The following PPM1N variants were observed in gnomAD, a reference collection of about 807,000 sequenced individuals.
The protein encoded by PPM1N is probable protein phosphatase 1N.
Under a neutral mutation model 32.6 loss-of-function variants are expected in PPM1N, and 35 were observed. The ratio of observed to expected loss-of-function variants is 1.07; its 90% confidence interval spans 0.82 to 1.43. The LOEUF is 1.43. Ranked by LOEUF, PPM1N falls within the 40% of genes most tolerant of loss-of-function variation. The pLI, the probability that PPM1N is intolerant of heterozygous loss-of-function variation, is 0.00. For missense variants in PPM1N, 648 were observed against 606.6 expected, an observed-to-expected ratio of 1.07 and a Z score of -0.72; for synonymous variants, 275 against 270.5, an observed-to-expected ratio of 1.02 and a Z score of -0.16.
At position 45,498,470 on chromosome 19, in the gene PPM1N, A is replaced by G; in HGVS notation, c.-3A>G. Reference sequence around the variant, plus strand: ...GGAGCCTTCCTGATCCCAGGGCTGAAGGATGGCGGTCCTGGCCCGCCAGCT... The same window carrying G: ...GGAGCCTTCCTGATCCCAGGGCTGAGGGATGGCGGTCCTGGCCCGCCAGCT... On this transcript the variant is annotated 5_prime_UTR_variant, in exon 1 of 5. Coordinates refer to ENST00000451287, the MANE Select transcript of PPM1N (RefSeq NM_001080401.2). The G allele has an allele frequency of 7.4e-7, 1 of 1,348,784 alleles. No homozygotes were observed. The highest frequency in any genetic ancestry group is 9.5e-7 in the Non-Finnish European group (1 of 1,048,716). 83.6% of individuals were successfully genotyped at this position (1,348,784 alleles called of 1,614,324 possible).
chr19:45,500,622 C>G (rs1968398615), intron 3 of PPM1N, 28 bp from the exon 4 acceptor site: 1 of 1,594,826 alleles, frequency 6.3e-7, no homozygotes, highest in Admixed American at 1.7e-5. Flanking sequence ...GGAGAGTCCC[C>G]TCCTGAGGGC....
Position 45,498,888 on chromosome 19 carries a change from C to T in PPM1N, c.416C>T (p.Ala139Val), listed in dbSNP as rs2122242936. The change falls in exon 1 of 5, where the codon GCG (alanine) becomes GTG (valine). Residue 139 changes from alanine (A) to valine (V), a missense_variant. Coordinates refer to ENST00000451287, the MANE Select transcript of PPM1N (RefSeq NM_001080401.2). ...AGCGAGCCCGAGGGCGTGCGCGAGGCGCTGCGCCGAGCCTTCTTGAGCGCC... is the reference window on the plus strand; with the variant it reads ...AGCGAGCCCGAGGGCGTGCGCGAGGTGCTGCGCCGAGCCTTCTTGAGCGCC... ...EPSEPEGVRE[A>V]LRRAFLSADE... The T allele has an allele frequency of 6.6e-7, 1 of 1,519,752 alleles. No homozygotes were observed. Among genetic ancestry groups the T allele is most frequent in the South Asian group, 1.2e-5 (1 of 80,910 alleles). The allele number at this position is 1,519,752 out of a possible 1,614,324, so 94.1% of individuals were successfully genotyped here. A position where few individuals can be genotyped will look rare whatever the true frequency, so the allele number is the denominator to read the frequency against.
chr19:45,499,542 G>T, intron 1 of PPM1N, 131 bp downstream of exon 1: 1 of 1,551,284 alleles, frequency 6.4e-7, no homozygotes, highest in Non-Finnish European at 8.7e-7. Flanking sequence ...GGACTCAAGC[G>T]AAGGGCGTGG....
In PPM1N at chr19:45,502,318, A is replaced by AC; in HGVS notation, c.*233_*234insC. On this transcript the variant is annotated 3_prime_UTR_variant, in exon 5 of 5. Coordinates refer to ENST00000451287, the MANE Select transcript of PPM1N (RefSeq NM_001080401.2). ...AAAAAAGCCCAAATCGAAAAAAAAA[A>AC]AAAAAAAAAAAAAAAACAAAAAAAC... is the stretch of plus-strand genomic sequence containing the variant. The AC allele has an allele frequency of 1.9e-6, 1 of 524,222 alleles. No individual in the cohort carries two copies. The highest frequency in any genetic ancestry group is 3.3e-6 in the Non-Finnish European group (1 of 303,220). 32.5% of individuals were successfully genotyped at this position (524,222 alleles called of 1,614,324 possible). A position where few individuals can be genotyped will look rare whatever the true frequency, so the allele number is the denominator to read the frequency against.
At chr19:45,499,689 C>T (rs980931309) in intron 1 of PPM1N, 1 of 1,547,390 alleles carries the variant, frequency 6.5e-7, no homozygotes. Context: ...GGAGCCGGGC[C>T]GGAAGTATTG....
rs773167267 is a variant in PPM1N, at chr19:45,499,089, G to C, written c.617G>C (p.Arg206Pro). The C allele has an allele frequency of 2.6e-6, 4 of 1,514,388 alleles. No individual in the cohort carries two copies. The highest frequency in any genetic ancestry group is 3.5e-6 in the Non-Finnish European group (4 of 1,141,452). The allele number at this position is 1,514,388 out of a possible 1,614,324, so 93.8% of individuals were successfully genotyped here. A position where few individuals can be genotyped will look rare whatever the true frequency, so the allele number is the denominator to read the frequency against. ...GAGGACCACCGGCCCCTTCGACCCCGGGAACGCGAGCGCATCCACGCCGCT... is the reference window on the plus strand; with the variant it reads ...GAGGACCACCGGCCCCTTCGACCCCCGGAACGCGAGCGCATCCACGCCGCT... ...STEDHRPLRP[R>P]ERERIHAAGG... The change falls in exon 1 of 5, where the codon CGG becomes CCG. Residue 206 changes from arginine to proline, a missense_variant. Physicochemically the swap from Arg to Pro is moderately radical, Grantham distance 103. Transcript: ENST00000451287.
At position 45,502,308 on chromosome 19, in the gene PPM1N, GAAAAA is replaced by G. The variant is rs61574042; in HGVS notation, c.*245_*249del. On this transcript the variant is annotated 3_prime_UTR_variant, in exon 5 of 5. Coordinates refer to ENST00000451287, the MANE Select transcript of PPM1N (RefSeq NM_001080401.2). ...GACCAAAAAGAAAAAAGCCCAAATC[GAAAAA>G]AAAAAAAAAAAAAAAAAAAAACAAA... 10 of 26,858 alleles carry G rather than the reference GAAAAA, an allele frequency of 3.7e-4. No individual in the cohort carries two copies. The highest frequency in any genetic ancestry group is 1.2e-3 in the Admixed American group (2 of 1,688). 1.7% of individuals were successfully genotyped at this position (26,858 alleles called of 1,614,324 possible).
At position 45,499,788 on chromosome 19, in the gene PPM1N, AG is replaced by A. The variant is rs1968380782; in HGVS notation, c.940-159del. ...ATTGTTCTCTCAATTGGGAGCGCCT[AG>A]GACCGGGTTTGGTCCCAGTAAGAGA... On this transcript the variant is annotated intron_variant, in intron 1 of 4. Transcript: ENST00000451287. 3 of 1,500,742 alleles carry A rather than the reference AG, an allele frequency of 2.0e-6. 1 individual carries two copies. Among genetic ancestry groups the A allele is most frequent in the Non-Finnish European group, 2.7e-6 (3 of 1,122,158 alleles). 93.0% of individuals were successfully genotyped at this position (1,500,742 alleles called of 1,614,324 possible).
chr19:45,500,072 C>T lies in PPM1N; in HGVS notation c.1057+6C>T. 1 of 1,582,990 alleles carries T rather than the reference C, an allele frequency of 6.3e-7. No homozygotes were observed. Among genetic ancestry groups the T allele is most frequent in the Non-Finnish European group, 8.6e-7 (1 of 1,163,190 alleles). ...CCTGGGCTGCAGAATCGCTGGTGAG[C>T]AGACTCTGGGGGCCCAGCTGGAGGG... is the stretch of plus-strand genomic sequence containing the variant. On this transcript the variant is annotated splice_donor_region_variant and intron_variant, in intron 2 of 4. Coordinates refer to ENST00000451287, the MANE Select transcript of PPM1N (RefSeq NM_001080401.2).
intron 2 of PPM1N, among the ~76,000 whole-genome samples, 179 bp downstream of exon 2, chr19:45,500,245 C>CT (rs950475217): frequency 2.8e-4 from 43 of 152,066 alleles, no homozygotes; most frequent in Non-Finnish European, 5.1e-4. Context: ...AGCGATTCTC[C>CT]TGCCTCAGCC....
At chr19:45,501,934 G>A (rs955572416) in intron 4 of PPM1N, 83 bp from the exon 5 acceptor site, 4 of 910,852 alleles carry the variant, frequency 4.4e-6, no homozygotes, top group Non-Finnish European at 6.4e-6. Flanking sequence ...GATGGGATAT[G>A]GTGGTCCCTC....
In PPM1N at chr19:45,498,911, G is replaced by C; in HGVS notation, c.439G>C (p.Ala147Pro). ...GGCGCTGCGCCGAGCCTTCTTGAGCGCCGACGAGCGCCTGCGCTCCCTCTG... is the reference window on the plus strand; with the variant it reads ...GGCGCTGCGCCGAGCCTTCTTGAGCCCCGACGAGCGCCTGCGCTCCCTCTG... The part of the protein sequence containing the change: ...REALRRAFLS[A>P]DERLRSLWPR... Residue 147 changes from alanine (A) to proline (P), a missense_variant, in exon 1 of 5, where the codon GCC (alanine) becomes CCC (proline). Coordinates refer to ENST00000451287, the MANE Select transcript of PPM1N (RefSeq NM_001080401.2). The C allele has an allele frequency of 1.3e-6, 2 of 1,525,942 alleles. No homozygotes were observed. The highest frequency in any genetic ancestry group is 1.2e-5 in the South Asian group (1 of 82,312). 94.5% of individuals were successfully genotyped at this position (1,525,942 alleles called of 1,614,324 possible). A position where few individuals can be genotyped will look rare whatever the true frequency, so the allele number is the denominator to read the frequency against.
intron 2 of PPM1N, 78 bp downstream of exon 2, chr19:45,500,144 T>C: frequency 1.1e-5 from 17 of 1,479,514 alleles, no homozygotes; most frequent in Non-Finnish European, 1.4e-5. Context: ...TTTTTTTCTT[T>C]TTTTTTTTGA....
At chr19:45,501,916 G>A (rs921514559) in intron 4 of PPM1N, 101 bp from the exon 5 acceptor site, 4 of 769,654 alleles carry the variant, frequency 5.2e-6, no homozygotes, top group Non-Finnish European at 7.9e-6. Flanking sequence ...AACCTTAATG[G>A]ATTGTGAGAT....
In PPM1N at chr19:45,502,375, G is replaced by A. The variant is rs547995103; in HGVS notation, c.*290G>A. 238 of 527,566 alleles carry A rather than the reference G, an allele frequency of 4.5e-4. No homozygotes were observed. Among genetic ancestry groups the A allele is most frequent in the Middle Eastern group, 4.3e-3 (9 of 2,072 alleles). 32.7% of individuals were successfully genotyped at this position (527,566 alleles called of 1,614,324 possible). A position where few individuals can be genotyped will look rare whatever the true frequency, so the allele number is the denominator to read the frequency against. On this transcript the variant is annotated 3_prime_UTR_variant, in exon 5 of 5. Transcript: ENST00000451287. ...AAATGTTTTTGAAATATTCAGAGCC[G>A]AACAGATTCTGAGAGATAACCCAGT... is the stretch of plus-strand genomic sequence containing the variant.
rs1395993067 is a variant in PPM1N, at chr19:45,500,454, A to G, written c.1058-2A>G. 1.2e-6 allele frequency: 2 copies of G among 1,603,480 alleles called. No individual in the cohort carries two copies. The highest frequency in any genetic ancestry group is 1.1e-5 in the South Asian group (1 of 89,210). On this transcript the variant is annotated splice_acceptor_variant, in intron 2 of 4. Transcript: ENST00000451287. LOFTEE classifies it high-confidence loss of function. Reference sequence around the variant, plus strand: ...CCAGCCTAACTCTTGACTCTTTCTCAGAACTGTGTGCCTCTGCTCAGAAGC... The same window carrying G: ...CCAGCCTAACTCTTGACTCTTTCTCGGAACTGTGTGCCTCTGCTCAGAAGC...
At position 45,502,329 on chromosome 19, in the gene PPM1N, AAAAAAC is replaced by A. The variant is rs1276582288; in HGVS notation, c.*250_*255del. On this transcript the variant is annotated 3_prime_UTR_variant, in exon 5 of 5. Coordinates refer to ENST00000451287, the MANE Select transcript of PPM1N (RefSeq NM_001080401.2). Reference sequence around the variant, plus strand: ...AATCGAAAAAAAAAAAAAAAAAAAAAAAAAACAAAAAAACCCAACCAAATGTTTTTG... The same window carrying A: ...AATCGAAAAAAAAAAAAAAAAAAAAAAAAAAAACCCAACCAAATGTTTTTG... 4,204 of 465,712 alleles carry A rather than the reference AAAAAAC, an allele frequency of 9.0e-3. 349 individuals carry two copies. The highest frequency in any genetic ancestry group is 0.025 in the African/African-American group (882 of 35,602). The allele number at this position is 465,712 out of a possible 1,614,324, so 28.8% of individuals were successfully genotyped here. A position where few individuals can be genotyped will look rare whatever the true frequency, so the allele number is the denominator to read the frequency against.
rs1461377921 is a variant in PPM1N at position 45,498,603 on chromosome 19, C to G, written c.131C>G (p.Ser44Cys). 4 of 1,447,870 alleles carry G rather than the reference C, an allele frequency of 2.8e-6. No individual in the cohort carries two copies. Among genetic ancestry groups the G allele is most frequent in the African/African-American group, 1.5e-5 (1 of 66,868 alleles). 89.7% of individuals were successfully genotyped at this position (1,447,870 alleles called of 1,614,324 possible). A position where few individuals can be genotyped will look rare whatever the true frequency, so the allele number is the denominator to read the frequency against. The change falls in exon 1 of 5, where the codon TCT becomes TGT. Residue 44 changes from serine (S) to cysteine (C), a missense_variant. By Grantham distance (112) the Ser-to-Cys change is moderately radical. Transcript: ENST00000451287. The part of the protein sequence containing the change: ...AGRRAPEGPR[S>C]LLTAPRRAQR... ...CGCAGGGCCCCCGAAGGGCCTCGGT[C>G]TCTGTTGACAGCGCCGCGCCGCGCC...
Position 45,498,630 on chromosome 19 carries a change from A to T in PPM1N, c.158A>T (p.Gln53Leu). 7.1e-7 allele frequency: 1 copy of T among 1,414,504 alleles called. No individual in the cohort carries two copies. Among genetic ancestry groups the T allele is most frequent in the Non-Finnish European group, 9.2e-7 (1 of 1,089,922 alleles). The allele number at this position is 1,414,504 out of a possible 1,614,324, so 87.6% of individuals were successfully genotyped here. ...CTGTTGACAGCGCCGCGCCGCGCCC[A>T]GCGGCCGCACGGGGGTGCCGAGGCG... ...RSLLTAPRRA[Q>L]RPHGGAEASG... The change falls in exon 1 of 5, where the codon CAG becomes CTG. Residue 53 changes from glutamine to leucine, a missense_variant. By Grantham distance (113) the Gln-to-Leu change is moderately radical (BLOSUM62 -2). Coordinates refer to ENST00000451287, the MANE Select transcript of PPM1N (RefSeq NM_001080401.2).
Sources: gnomAD v4.1 joint callset for allele counts (sites outside exome capture counted in the v4.1 genomes callset) on GRCh38, gnomAD v4.1.1 for gene constraint, MANE v1.5 for transcripts, NCBI Gene and HGNC (gene_info 2026-07-23, HGNC 2026-07-21) for gene names.